The following MACROD2 variants were observed in gnomAD, a reference collection of about 807,000 sequenced individuals.
The protein encoded by MACROD2 is ADP-ribose glycohydrolase MACROD2.
Under a neutral mutation model 70.4 loss-of-function variants are expected in MACROD2, and 36 were observed. That is an observed-to-expected ratio of 0.51 (90% CI 0.39 to 0.68). MACROD2 has a LOEUF of 0.68. Ranked by LOEUF, MACROD2 falls within the 30% of genes least tolerant of loss-of-function variation. The pLI is 0.00. For synonymous variants in MACROD2, 172 were observed against 178.8 expected (o/e 0.96, Z 0.30); for missense variants, 496 against 538.4 (o/e 0.92, Z 0.78).
chr20:14,600,341 TATAC>T (rs536211443), intron 4 of MACROD2, among the ~76,000 whole-genome samples: 3,449 of 142,110 alleles, frequency 0.024, 115 homozygotes, highest in Admixed American at 0.036. Flanking sequence ...TATATATATA[TATAC>T]ACACACACAC....
intron 3 of MACROD2, among the ~76,000 whole-genome samples, chr20:14,251,018 A>G (rs1236428828): frequency 2.0e-5 from 3 of 152,144 alleles, no homozygotes; most frequent in African/African-American, 7.2e-5. Context: ...ATTTTATAAT[A>G]GTTTGATGAC....
intron 4 of MACROD2, among the ~76,000 whole-genome samples, chr20:14,624,220 C>T (rs1166517869): frequency 1.3e-5 from 2 of 152,160 alleles, no homozygotes; most frequent in Non-Finnish European, 2.9e-5. Flanking sequence ...GGGACAGCCT[C>T]TCCAAAGTAA....
chr20:15,130,424 G>A (rs943360620), intron 5 of MACROD2, among the ~76,000 whole-genome samples: 1 of 151,806 alleles, frequency 6.6e-6, no homozygotes, highest in Non-Finnish European at 1.5e-5. Flanking sequence ...AAACCAAATA[G>A]GGGAGAAATA....
intron 5 of MACROD2, among the ~76,000 whole-genome samples, chr20:14,890,388 C>T (rs2073739340): frequency 6.6e-6 from 1 of 151,946 alleles, no homozygotes; most frequent in African/African-American, 2.4e-5. Context: ...AAGATATGAC[C>T]AGTGATGGAG....
chr20:14,144,574 G>A (rs1339116767), intron 3 of MACROD2, among the ~76,000 whole-genome samples: 2 of 152,132 alleles, frequency 1.3e-5, no homozygotes, highest in African/African-American at 4.8e-5. Context: ...CCTATTGTCT[G>A]TTCTTACAGC....
chr20:15,240,988 C>T (rs1452862181), intron 6 of MACROD2, among the ~76,000 whole-genome samples: 1 of 152,130 alleles, frequency 6.6e-6, no homozygotes, highest in Non-Finnish European at 1.5e-5. Context: ...AGCCTCCTGG[C>T]CTATGGTATT....
chr20:15,397,922 C>T (rs1242524083), intron 6 of MACROD2, among the ~76,000 whole-genome samples: 2 of 152,046 alleles, frequency 1.3e-5, no homozygotes, highest in South Asian at 2.1e-4. Flanking sequence ...ATCCCTTCTC[C>T]GTGGGCCAAT....
chr20:14,302,309 A>G (rs2082481592), intron 3 of MACROD2, among the ~76,000 whole-genome samples: 1 of 152,212 alleles, frequency 6.6e-6, no homozygotes, highest in African/African-American at 2.4e-5. Context: ...CTTTAGCGTC[A>G]TGCAGCCCTC....
intron 8 of MACROD2, among the ~76,000 whole-genome samples, chr20:15,746,318 T>G (rs1369908355): frequency 6.6e-6 from 1 of 151,968 alleles, no homozygotes; most frequent in Non-Finnish European, 1.5e-5. Flanking sequence ...AAATATCTGT[T>G]ATTTTTATGT....
intron 3 of MACROD2, among the ~76,000 whole-genome samples, chr20:14,340,710 T>A (rs563271509): frequency 6.6e-6 from 1 of 152,368 alleles, no homozygotes; most frequent in South Asian, 2.1e-4. Context: ...TCTGTTTTGT[T>A]GGCTAGCCTG....
At chr20:14,170,680 T>C (rs2148723918) in intron 3 of MACROD2, among the ~76,000 whole-genome samples, 1 of 152,342 alleles carries the variant, frequency 6.6e-6, no homozygotes, top group African/African-American at 2.4e-5. Context: ...CATCCCTGCA[T>C]CCCTGGTATG....
intron 8 of MACROD2, among the ~76,000 whole-genome samples, chr20:15,632,949 C>T (rs1415699593): frequency 6.6e-6 from 1 of 151,710 alleles, no homozygotes; most frequent in Admixed American, 6.6e-5. Context: ...TTCCTCCCCT[C>T]CTTCCCTCTT....
intron 6 of MACROD2, among the ~76,000 whole-genome samples, chr20:15,399,300 G>C (rs932432089): frequency 6.6e-6 from 1 of 152,200 alleles, no homozygotes; most frequent in African/African-American, 2.4e-5. Flanking sequence ...TTATCCTGGT[G>C]ATTTTGTCAA....
Position 15,615,458 on chromosome 20 carries a change from A to G in MACROD2, c.645+115611A>G, listed in dbSNP as rs368164576. 3.0e-3 allele frequency among the ~76,000 whole-genome samples: 464 copies of G among 152,272 alleles called. 4 individuals are homozygous for G. Among genetic ancestry groups the G allele is most frequent in the African/African-American group, 0.011 (442 of 41,556 alleles). The stretch of plus-strand genomic sequence containing the variant: ...TGTCCTCTCGATGCCTCAGGGTGAG[A>G]GGGAGGACACCTTCATCAGAGCTGA... On this transcript the variant is annotated intron_variant, in intron 8 of 17. Transcript: ENST00000684519.
At chr20:14,153,561 T>A (rs2055054124) in intron 3 of MACROD2, among the ~76,000 whole-genome samples, 1 of 152,186 alleles carries the variant, frequency 6.6e-6, no homozygotes, top group Non-Finnish European at 1.5e-5. Flanking sequence ...CAAACCATAT[T>A]AACATTATTA....
intron 8 of MACROD2, among the ~76,000 whole-genome samples, chr20:15,563,139 T>C (rs769389515): frequency 4.6e-5 from 7 of 152,206 alleles, no homozygotes; most frequent in Non-Finnish European, 8.8e-5. Flanking sequence ...TTGATGCCCT[T>C]AGGAACAGCA....
chr20:15,475,225 G>A (rs1307524336), intron 7 of MACROD2, among the ~76,000 whole-genome samples: 9 of 152,122 alleles, frequency 5.9e-5, no homozygotes. Context: ...CAGTGTCTGT[G>A]GGAGGTCCTG....
rs1390472216 is a variant in MACROD2, at chr20:15,623,709, T to TATCTATCTATCC, written c.645+123873_645+123874insCATCTATCTATC. Among the ~76,000 whole-genome samples the TATCTATCTATCC allele has an allele frequency of 3.3e-3, 507 of 152,088 alleles. 7 individuals carry two copies. The highest frequency in any genetic ancestry group is 0.011 in the African/African-American group (469 of 41,456). ...CTATCTATCTATCTATCTATCTATC[T>TATCTATCTATCC]ATCTATCTATCGATGTGTCTATGTA... On this transcript the variant is annotated intron_variant, in intron 8 of 17. Transcript: ENST00000684519.
At chr20:15,501,321 T>C (rs12151891) in intron 8 of MACROD2, among the ~76,000 whole-genome samples, 27,643 of 152,188 alleles carry the variant, frequency 0.18, 2,751 homozygotes, top group Admixed American at 0.25. Context: ...TCCACTAGAA[T>C]AGTAATCCAA....
Sources: allele counts gnomAD v4.1 joint callset (sites outside exome capture counted in the v4.1 genomes callset), GRCh38; gene constraint gnomAD v4.1.1; transcripts MANE v1.5; gene names NCBI Gene and HGNC (gene_info 2026-07-23, HGNC 2026-07-21).